The following SPRY3 variants were observed in gnomAD, a reference collection of about 807,000 sequenced individuals.
The protein encoded by SPRY3 is sprouty RTK signaling antagonist 3, also known as protein sprouty homolog 3.
SPRY3 carries 15 observed loss-of-function variants against 20.2 expected under a neutral mutation model. The observed-to-expected ratio is 0.74, with a 90% CI of 0.50 to 1.14. SPRY3 has a LOEUF of 1.14. Ranked by LOEUF, SPRY3 falls within the 50% of genes most tolerant of loss-of-function variation. SPRY3 has a pLI of 0.00. For synonymous variants in SPRY3, 143 were observed against 136.5 expected (o/e 1.05, Z -0.33); for missense variants, 364 against 363.9 (o/e 1.00, Z 0.00).
At chrX:155,672,888 A>G (rs1385798941) in intron 2 of SPRY3, among the ~76,000 whole-genome samples, 1 of 106,408 alleles carries the variant, frequency 9.4e-6, no homozygotes, top group Non-Finnish European at 1.9e-5. Context: ...TGCAGCCATA[A>G]AAAATGATGA....
At chrX:155,641,801 T>C (rs1188737051) in intron 1 of SPRY3, among the ~76,000 whole-genome samples, 2 of 114,921 alleles carry the variant, frequency 1.7e-5, no homozygotes, top group Admixed American at 9.1e-5. Context: ...TAGATAAGGT[T>C]TGCTGGTCAC....
intron 3 of SPRY3, among the ~76,000 whole-genome samples, chrX:155,770,090 G>C (rs958494498): frequency 6.6e-6 from 1 of 152,118 alleles, no homozygotes; most frequent in African/African-American, 2.4e-5. Flanking sequence ...ACACACCTAA[G>C]AGCCGTTACA....
chrX:155,732,612 ATATAGT>A, intron 2 of SPRY3, among the ~76,000 whole-genome samples: 1 of 152,180 alleles, frequency 6.6e-6, no homozygotes, highest in Admixed American at 6.5e-5. Flanking sequence ...ACAACTAAAA[ATATAGT>A]TACCATATGA....
intron 2 of SPRY3, among the ~76,000 whole-genome samples, chrX:155,704,358 A>G (rs773814934): frequency 1.3e-5 from 2 of 151,948 alleles, no homozygotes; most frequent in East Asian, 1.9e-4. Context: ...AAAAAACAAA[A>G]TAACGGAGAT....
chrX:155,756,823 T>C lies in SPRY3; in HGVS notation c.-281-11139T>C, dbSNP rs184802444. 1.6e-3 allele frequency among the ~76,000 whole-genome samples: 248 copies of C among 152,274 alleles called. 1 individual carries two copies. The highest frequency in any genetic ancestry group is 5.8e-3 in the African/African-American group (241 of 41,566). ...ACAAATACAAACAACATATGTTGTG[T>C]TGGGAAAATATAGGTGATGCCTTTC... On this transcript the variant is annotated intron_variant, in intron 2 of 3. Coordinates refer to ENST00000675360, the Ensembl canonical transcript of SPRY3.
At chrX:155,668,905 G>T (rs2068032416) in intron 2 of SPRY3, among the ~76,000 whole-genome samples, 1 of 110,667 alleles carries the variant, frequency 9.0e-6, no homozygotes, top group South Asian at 3.8e-4. Context: ...AAGGTTCAAG[G>T]GCTCAGGGGT....
At chrX:155,659,227 C>T (rs1557353376) in intron 2 of SPRY3, among the ~76,000 whole-genome samples, 1 of 108,861 alleles carries the variant, frequency 9.2e-6, no homozygotes, top group South Asian at 4.1e-4. Flanking sequence ...TCACTGCAAG[C>T]TCCGCCTCCT....
At chrX:155,698,101 A>G (rs1334666520) in intron 2 of SPRY3, among the ~76,000 whole-genome samples, 1 of 111,295 alleles carries the variant, frequency 9.0e-6, no homozygotes, top group Non-Finnish European at 1.9e-5. Flanking sequence ...ATGGCTACAA[A>G]GTAGTGCTGC....
At chrX:155,780,984 G>A (rs1271663717), downstream of SPRY3, 1 of 153,152 alleles carries the variant, frequency 6.5e-6, no homozygotes, top group Non-Finnish European at 1.5e-5. Flanking sequence ...ACTCTATTTT[G>A]TCCTTGACTT....
At chrX:155,627,312 A>C (rs1164835274) in intron 1 of SPRY3, among the ~76,000 whole-genome samples, 8 of 112,016 alleles carry the variant, frequency 7.1e-5, no homozygotes, top group African/African-American at 2.6e-4. Context: ...TTTCACACGC[A>C]TGAGATCATG....
chrX:155,628,819 T>G (rs782014068), intron 1 of SPRY3, among the ~76,000 whole-genome samples: 15 of 111,974 alleles, frequency 1.3e-4, no homozygotes, highest in Non-Finnish European at 2.4e-4. Flanking sequence ...TTTTGTCTTT[T>G]TGGTAATAGC....
intron 1 of SPRY3, among the ~76,000 whole-genome samples, chrX:155,625,901 C>T (rs782050179): frequency 4.8e-4 from 52 of 108,927 alleles, no homozygotes; most frequent in Non-Finnish European, 9.6e-4. Context: ...CATTTCTTTT[C>T]ATGGCTGAAG....
At position 155,657,454 on chromosome X, in the gene SPRY3, GC is replaced by G. The variant is rs200822561; in HGVS notation, c.-282+435del. Among the ~76,000 whole-genome samples the G allele has an allele frequency of 6.8e-3, 764 of 111,980 alleles. 6 individuals are homozygous for G. The highest frequency in any genetic ancestry group is 0.024 in the African/African-American group (727 of 30,795). ...TACTCAAACCTCAGTAATGGCAGAT[GC>G]CCCCCGCTACCAAGCTCAATCTTTC... is the stretch of plus-strand genomic sequence containing the variant. On this transcript the variant is annotated intron_variant, in intron 2 of 3. Transcript: ENST00000675360.
intron 2 of SPRY3, among the ~76,000 whole-genome samples, chrX:155,756,941 C>T (rs934502254): frequency 1.8e-4 from 28 of 152,150 alleles, no homozygotes; most frequent in African/African-American, 6.5e-4. Context: ...ATCACTTCCA[C>T]TATTACCACT....
chrX:155,620,154 T>G (rs2067866463), intron 1 of SPRY3, among the ~76,000 whole-genome samples: 1 of 111,741 alleles, frequency 8.9e-6, no homozygotes, highest in African/African-American at 3.2e-5. Context: ...ACACACTTTA[T>G]AAGATTCTTA....
intron 2 of SPRY3, among the ~76,000 whole-genome samples, chrX:155,706,824 A>T (rs2090955039): frequency 6.6e-6 from 1 of 151,100 alleles, no homozygotes. Flanking sequence ...CATCTATTTT[A>T]AAATTTTAAT....
At chrX:155,767,476 C>T (rs1385222520) in intron 2 of SPRY3, among the ~76,000 whole-genome samples, 1 of 151,972 alleles carries the variant, frequency 6.6e-6, no homozygotes, top group Non-Finnish European at 1.5e-5. Flanking sequence ...GTGTCTACAA[C>T]TGCAGTTTCT....
intron 1 of SPRY3, among the ~76,000 whole-genome samples, chrX:155,616,100 G>GTC (rs781921618): frequency 0.013 from 575 of 42,869 alleles, 18 homozygotes; most frequent in African/African-American, 0.029. Context: ...TTTATCTGGG[G>GTC]TCTCTCTCTC....
At chrX:155,773,441 G>T (rs1392867139) in intron 3 of SPRY3, among the ~76,000 whole-genome samples, 2 of 150,878 alleles carry the variant, frequency 1.3e-5, no homozygotes, top group Non-Finnish European at 2.9e-5. Context: ...ATTTGTATTA[G>T]AATTCTGATG....
Sources: gnomAD v4.1 joint callset for allele counts (sites outside exome capture counted in the v4.1 genomes callset) on GRCh38, gnomAD v4.1.1 for gene constraint, MANE v1.5 for transcripts, NCBI Gene and HGNC (gene_info 2026-07-23, HGNC 2026-07-21) for gene names.